Variants in SUGCT observed in about 807,000 individuals in gnomAD.
SUGCT encodes succinyl-CoA:glutarate CoA-transferase.
A neutral mutation model predicts 55.0 loss-of-function variants in SUGCT; 41 were observed. That is an observed-to-expected ratio of 0.74 (90% CI 0.58 to 0.97). The LOEUF (loss-of-function observed/expected upper bound fraction) is 0.97, where lower values mean the gene tolerates loss of function less well. Ranked by LOEUF, SUGCT falls within the 50% of genes least tolerant of loss-of-function variation. The pLI is 0.00. For synonymous variants in SUGCT, 187 were observed against 200.4 expected (o/e 0.93, Z 0.56); for missense variants, 568 against 547.8 (o/e 1.04, Z -0.37).
At chr7:40,456,713 G>A (rs930263828) in intron 10 of SUGCT, among the ~76,000 whole-genome samples, 1 of 152,050 alleles carries the variant, frequency 6.6e-6, no homozygotes, top group African/African-American at 2.4e-5. Flanking sequence ...CCAAGGAAAG[G>A]AGGAGCTAGC....
At chr7:40,622,839 A>C (rs922623342) in intron 12 of SUGCT, among the ~76,000 whole-genome samples, 2 of 152,074 alleles carry the variant, frequency 1.3e-5, no homozygotes, top group Admixed American at 6.6e-5. Context: ...TGCATCCCCC[A>C]AAACAGGTTC....
the SUGCT span, among the ~76,000 whole-genome samples, chr7:41,028,750 G>C: frequency 6.6e-6 from 1 of 152,152 alleles, no homozygotes; most frequent in East Asian, 1.9e-4. Flanking sequence ...GCAGTTCTTG[G>C]CAGAACCTAA....
At chr7:40,411,089 C>T (rs1367709524) in intron 9 of SUGCT, among the ~76,000 whole-genome samples, 1 of 152,112 alleles carries the variant, frequency 6.6e-6, no homozygotes, top group Non-Finnish European at 1.5e-5. Context: ...TTCTCTAACA[C>T]ACTGTCATAA....
At chr7:40,621,328 CCTGT>C (rs1799254632) in intron 12 of SUGCT, among the ~76,000 whole-genome samples, 1 of 152,078 alleles carries the variant, frequency 6.6e-6, no homozygotes, top group Admixed American at 6.5e-5. Context: ...TTTGGTTTCT[CCTGT>C]CTTTCTCCTT....
At chr7:41,004,973 A>G in the SUGCT span, among the ~76,000 whole-genome samples, 2 of 152,164 alleles carry the variant, frequency 1.3e-5, no homozygotes, top group African/African-American at 2.4e-5. Context: ...CACAAAATAC[A>G]TATCTGCAAT....
intron 12 of SUGCT, among the ~76,000 whole-genome samples, chr7:40,643,174 C>T (rs1427637752): frequency 6.6e-6 from 1 of 152,108 alleles, no homozygotes; most frequent in Non-Finnish European, 1.5e-5. Flanking sequence ...CTATGGGCAT[C>T]AGAATATGAG....
At chr7:40,387,731 A>G (rs1026674705) in intron 9 of SUGCT, among the ~76,000 whole-genome samples, 2 of 152,164 alleles carry the variant, frequency 1.3e-5, no homozygotes, top group African/African-American at 2.4e-5. Flanking sequence ...AAAGGGATTA[A>G]TAATGTCTAT....
intron 9 of SUGCT, among the ~76,000 whole-genome samples, chr7:40,375,612 T>C (rs1297571567): frequency 1.3e-5 from 2 of 152,186 alleles, no homozygotes; most frequent in Non-Finnish European, 2.9e-5. Context: ...CTATCCCTCA[T>C]TTGAGAGATT....
At chr7:40,891,604 C>T in the SUGCT span, among the ~76,000 whole-genome samples, 6 of 152,082 alleles carry the variant, frequency 3.9e-5, no homozygotes, top group East Asian at 3.8e-4. Context: ...CAAAGACTTT[C>T]GCAGACAAAC....
chr7:40,191,429 A>G (rs746680267), intron 5 of SUGCT, among the ~76,000 whole-genome samples: 13 of 152,238 alleles, frequency 8.5e-5, no homozygotes, highest in Non-Finnish European at 1.8e-4. Context: ...GATCAGAATC[A>G]GGGACCATTC....
intron 12 of SUGCT, among the ~76,000 whole-genome samples, chr7:40,648,725 C>T (rs138071189): frequency 2.0e-5 from 3 of 152,288 alleles, no homozygotes; most frequent in Admixed American, 6.5e-5. Flanking sequence ...AGGCAGGAAT[C>T]GAAGTGTTAT....
intron 12 of SUGCT, among the ~76,000 whole-genome samples, chr7:40,524,785 T>C (rs1470898013): frequency 6.6e-6 from 1 of 152,136 alleles, no homozygotes; most frequent in Non-Finnish European, 1.5e-5. Flanking sequence ...ATTGAGAAGC[T>C]TTGGTAGTTG....
At chr7:40,452,226 A>T (rs1313633156) in intron 10 of SUGCT, among the ~76,000 whole-genome samples, 3 of 152,206 alleles carry the variant, frequency 2.0e-5, no homozygotes, top group Non-Finnish European at 2.9e-5. Flanking sequence ...AACAAGTCCT[A>T]CTTAATGTTC....
chr7:40,339,230 G>A (rs1445732519), intron 9 of SUGCT, among the ~76,000 whole-genome samples: 1 of 152,192 alleles, frequency 6.6e-6, no homozygotes, highest in Non-Finnish European at 1.5e-5. Context: ...AGCGTTCTCA[G>A]TTCTCAAACT....
the SUGCT span, among the ~76,000 whole-genome samples, chr7:41,027,401 C>A: frequency 6.6e-6 from 1 of 152,158 alleles, no homozygotes; most frequent in Non-Finnish European, 1.5e-5. Context: ...ATTGTGGTGA[C>A]CATGAGCAGA....
At chr7:40,778,267 G>A (rs947284751) in intron 13 of SUGCT, among the ~76,000 whole-genome samples, 1 of 152,136 alleles carries the variant, frequency 6.6e-6, no homozygotes, top group Non-Finnish European at 1.5e-5. Context: ...GCACCCTTGG[G>A]GTGTGAGAAT....
intron 12 of SUGCT, among the ~76,000 whole-genome samples, chr7:40,558,976 GA>G (rs555772822): frequency 1.1e-4 from 17 of 151,808 alleles, no homozygotes; most frequent in African/African-American, 3.1e-4. Flanking sequence ...TAAGAACAGA[GA>G]AAAAAAATGC....
intron 12 of SUGCT, among the ~76,000 whole-genome samples, chr7:40,625,867 A>G (rs1369326012): frequency 2.0e-5 from 3 of 152,142 alleles, no homozygotes; most frequent in East Asian, 1.9e-4. Flanking sequence ...TGCTTTTTCC[A>G]TGAACAATTT....
intron 7 of SUGCT, among the ~76,000 whole-genome samples, chr7:40,249,438 C>T (rs181809060): frequency 2.9e-4 from 41 of 143,508 alleles, no homozygotes; most frequent in African/African-American, 1.0e-3. Flanking sequence ...ATAATGTATT[C>T]CACAAGAAAG....
Sources: allele counts gnomAD v4.1 joint callset (sites outside exome capture counted in the v4.1 genomes callset), GRCh38; gene constraint gnomAD v4.1.1; transcripts MANE v1.5; gene names NCBI Gene and HGNC (gene_info 2026-07-23, HGNC 2026-07-21).